Variants in DMXL2 observed in about 807,000 individuals in gnomAD.
The protein encoded by DMXL2 is Dmx like 2, also known as dmX-like protein 2.
In DMXL2, 103 loss-of-function variants were observed where a neutral mutation model predicts 331.1. The ratio of observed to expected loss-of-function variants is 0.31; its 90% CI spans 0.27 to 0.37. The LOEUF is 0.37. Among genes scored for constraint, DMXL2 ranks in the 10% least tolerant of loss-of-function variants. The probability of loss-of-function intolerance (pLI) is 1.00; values close to 1 mark genes in which losing one functional copy is unlikely to be tolerated. For synonymous variants in DMXL2, 1,281 were observed against 1,252.1 expected (o/e 1.02, Z -0.49); for missense variants, 3,171 against 3,642.9 (o/e 0.87, Z 3.33).
chr15:51,457,583 A>G, intron 36 of DMXL2, 117 bp from the exon 37 acceptor site: 1 of 1,273,856 alleles, frequency 7.9e-7, no homozygotes, highest in South Asian at 1.5e-5. Flanking sequence ...CTAAGTAGCC[A>G]TGAGAAAAAC....
In DMXL2 at chr15:51,499,916, T is replaced by G. The variant is rs2043462950; in HGVS notation, c.3308A>C (p.His1103Pro). 1.2e-6 allele frequency: 2 copies of G among 1,614,000 alleles called. No homozygotes were observed. Among genetic ancestry groups the G allele is most frequent in the Non-Finnish European group, 1.7e-6 (2 of 1,180,006 alleles). The change falls in exon 18 of 44, where the codon CAT (histidine) becomes CCT (proline). Residue 1103 changes from histidine (H) to proline (P), a missense_variant. Coordinates refer to ENST00000560891, the MANE Select transcript of DMXL2 (RefSeq NM_001378457.1). ...NGFVSKEFSM[H>P]VCIFECESTG... ...AGATTCACATTCAAATATACAAACATGCATGGAAAATTCTTTAGAAACAAA... is the reference window on the plus strand; with the variant it reads ...AGATTCACATTCAAATATACAAACAGGCATGGAAAATTCTTTAGAAACAAA...
chr15:51,486,036 T>TAACAAAGAA (rs2042371477), intron 23 of DMXL2, 37 bp downstream of exon 23: 1 of 1,528,564 alleles, frequency 6.5e-7, no homozygotes, highest in African/African-American at 1.4e-5. Context: ...TCTCTTCCTT[T>TAACAAAGAA]AAAAAAGAAA....
In DMXL2 at chr15:51,474,599, G is replaced by C; in HGVS notation, c.6965-7C>G. ...TTAATAAGTGAGCTCACACCTATAA[G>C]GGTATATAAAATCATAAGACGTATG... On this transcript the variant is annotated splice_polypyrimidine_tract_variant and splice_region_variant and intron_variant, in intron 27 of 43. Transcript: ENST00000560891. 1 of 1,588,564 alleles carries C rather than the reference G, an allele frequency of 6.3e-7. No homozygotes were observed. The highest frequency in any genetic ancestry group is 8.6e-7 in the Non-Finnish European group (1 of 1,165,362).
Position 51,568,522 on chromosome 15 carries a change from C to A in DMXL2, c.250G>T (p.Glu84Ter). The A allele has an allele frequency of 6.3e-7, 1 of 1,577,044 alleles. No individual in the cohort carries two copies. The highest frequency in any genetic ancestry group is 2.3e-5 in the East Asian group (1 of 43,402). ...ASYGNAVCIF[E>*]PLGINSHKRN... ...TTATGAGAATTTATGCCCAAGGGCTCAAATATACAAACAGCATTACCATAT... is the reference window on the plus strand; with the variant it reads ...TTATGAGAATTTATGCCCAAGGGCTAAAATATACAAACAGCATTACCATAT... The change falls in exon 3 of 44, where the codon GAG becomes TAG. Residue 84 changes from glutamate (E) to a stop codon, truncating the protein, a stop_gained. Transcript: ENST00000560891. LOFTEE classifies it high-confidence loss of function.
rs1248144274 is a variant in DMXL2 at position 51,558,844 on chromosome 15, T to C, written c.567+4537A>G. On this transcript the variant is annotated intron_variant, in intron 6 of 43. Coordinates refer to ENST00000560891, the MANE Select transcript of DMXL2 (RefSeq NM_001378457.1). ...AAACTGCCCATATTTTAAGTGCAATTTTTGTTACCGAATGCATTAATTTAA... is the reference window on the plus strand; with the variant it reads ...AAACTGCCCATATTTTAAGTGCAATCTTTGTTACCGAATGCATTAATTTAA... 3.3e-5 allele frequency among the ~76,000 whole-genome samples: 5 copies of C among 152,340 alleles called. No individual in the cohort carries two copies. The South Asian group carries it at 8.3e-4, about 25-fold the overall frequency.
At position 51,471,404 on chromosome 15, in the gene DMXL2, A is replaced by G; in HGVS notation, c.7214-3T>C. 2 of 1,577,762 alleles carry G rather than the reference A, an allele frequency of 1.3e-6. No individual in the cohort carries two copies. The highest frequency in any genetic ancestry group is 1.7e-6 in the Non-Finnish European group (2 of 1,160,150). ...GTCTTCAGAAAGGACAGGAGGTGCT[A>G]AATGAAGATAGAAGGAAAAAAAAAT... On this transcript the variant is annotated splice_polypyrimidine_tract_variant and splice_region_variant and intron_variant, in intron 28 of 43. Coordinates refer to ENST00000560891, the MANE Select transcript of DMXL2 (RefSeq NM_001378457.1).
chr15:51,592,817 C>CT (rs202226195), intron 1 of DMXL2, among the ~76,000 whole-genome samples: 69,419 of 151,762 alleles, frequency 0.46, 16,144 homozygotes, highest in Non-Finnish European at 0.48. Context: ...CCAAACTAAG[C>CT]TTCATAAGTG....
At chr15:51,610,133 C>G (rs1475996359) in intron 1 of DMXL2, among the ~76,000 whole-genome samples, 1 of 151,944 alleles carries the variant, frequency 6.6e-6, no homozygotes, top group East Asian at 1.9e-4. Flanking sequence ...CCAAAGAAAG[C>G]TAATAAAACT....
At chr15:51,560,945 T>C (rs990799778) in intron 6 of DMXL2, among the ~76,000 whole-genome samples, 18 of 151,692 alleles carry the variant, frequency 1.2e-4, no homozygotes, top group South Asian at 8.3e-4. Flanking sequence ...ATATCTTATA[T>C]AACATGTTTT....
intron 6 of DMXL2, among the ~76,000 whole-genome samples, chr15:51,555,017 G>T (rs1033036507): frequency 2.0e-5 from 3 of 152,122 alleles, no homozygotes; most frequent in African/African-American, 7.2e-5. Flanking sequence ...AATTAGCCAG[G>T]TGTGGTGGCA....
intron 2 of DMXL2, among the ~76,000 whole-genome samples, chr15:51,572,118 A>T (rs1404078759): frequency 1.3e-5 from 2 of 152,192 alleles, no homozygotes; most frequent in East Asian, 3.8e-4. Flanking sequence ...CAATGATCCC[A>T]CAGAAACACA....
At chr15:51,518,419 G>C (rs182528315) in intron 13 of DMXL2, among the ~76,000 whole-genome samples, 11 of 152,320 alleles carry the variant, frequency 7.2e-5, no homozygotes, top group Non-Finnish European at 1.3e-4. Context: ...AGTTGGTGAG[G>C]TGAAAACAGT....
chr15:51,513,653 T>C (rs1178238805), intron 15 of DMXL2, among the ~76,000 whole-genome samples: 2 of 152,156 alleles, frequency 1.3e-5, no homozygotes, highest in African/African-American at 2.4e-5. Flanking sequence ...CTAAGAAAAT[T>C]AAATATGTCC....
rs1328134605 is a variant in DMXL2, at chr15:51,536,768, G to T, written c.1712C>A (p.Thr571Lys). The T allele has an allele frequency of 6.2e-7, 1 of 1,614,026 alleles. No individual in the cohort carries two copies. Among genetic ancestry groups the T allele is most frequent in the East Asian group, 2.2e-5 (1 of 44,880 alleles). ...TAACAGCGTGTGGTGAGAATCTTTT[G>T]TCGCATTTATACAGGCATACATCAT... The part of the protein sequence containing the change: ...NIMMYACINA[T>K]KDSHHTLLHQ... Residue 571 changes from threonine (T) to lysine (K), a missense_variant, in exon 12 of 44, where the codon ACA becomes AAA. By Grantham distance (78) the Thr-to-Lys change is moderately conservative. Coordinates refer to ENST00000560891, the MANE Select transcript of DMXL2 (RefSeq NM_001378457.1).
intron 2 of DMXL2, among the ~76,000 whole-genome samples, chr15:51,572,064 A>G (rs2050705272): frequency 1.3e-5 from 2 of 152,152 alleles, no homozygotes; most frequent in African/African-American, 4.8e-5. Context: ...AAAAAAAGAG[A>G]AGAATCAAAT....
In DMXL2 at chr15:51,605,692, C is replaced by T. The variant is rs1462455937; in HGVS notation, c.87+16767G>A. On this transcript the variant is annotated intron_variant, in intron 1 of 43. Coordinates refer to ENST00000560891, the MANE Select transcript of DMXL2 (RefSeq NM_001378457.1). ...CCCAGTAGCTGGGACTACAGGCGCC[C>T]GCCACCGCGCCCGGCTAATATTTTG... is the stretch of plus-strand genomic sequence containing the variant. Among the ~76,000 whole-genome samples, 33 of 100,370 alleles carry T rather than the reference C, an allele frequency of 3.3e-4. 9 individuals carry two copies. The highest frequency in any genetic ancestry group is 3.1e-3 in the Admixed American group (29 of 9,446). The allele number at this position is 100,370 out of a possible 152,430, so 65.8% of individuals were successfully genotyped here.
rs542835096 is a variant in DMXL2, at chr15:51,520,794, T to G, written c.2437-3627A>C. Among the ~76,000 whole-genome samples the G allele has an allele frequency of 2.6e-4, 40 of 152,156 alleles. 2 individuals carry two copies. In the South Asian group the frequency reaches 6.7e-3, roughly 25 times the overall value. On this transcript the variant is annotated intron_variant, in intron 13 of 43. Coordinates refer to ENST00000560891, the MANE Select transcript of DMXL2 (RefSeq NM_001378457.1). ...ATCGTTTGAACCTGGGAGGCAGAGG[T>G]TGCAGTGAGCTGAGATCGCGCCACT...
chr15:51,578,273 CTACAT>C (rs2051178062), intron 1 of DMXL2, among the ~76,000 whole-genome samples: 2 of 152,174 alleles, frequency 1.3e-5, no homozygotes, highest in Admixed American at 1.3e-4. Context: ...ATTCTTTTCC[CTACAT>C]TATATATCAA....
intron 21 of DMXL2, 53 bp from the exon 22 acceptor site, chr15:51,488,172 C>T: frequency 2.8e-6 from 4 of 1,451,694 alleles, no homozygotes; most frequent in South Asian, 1.4e-5. Context: ...AAATGTTCTA[C>T]AGAATGTATA....
Sources: gnomAD v4.1 joint callset for allele counts (sites outside exome capture counted in the v4.1 genomes callset) on GRCh38, gnomAD v4.1.1 for gene constraint, MANE v1.5 for transcripts, NCBI Gene and HGNC (gene_info 2026-07-23, HGNC 2026-07-21) for gene names.